MBD5: variants seen among roughly 807,000 people sequenced by gnomAD.
MBD5 encodes methyl-CpG binding domain protein 5.
A neutral mutation model predicts 117.3 loss-of-function variants in MBD5; 13 were observed. The observed-to-expected ratio is 0.11, with a 90% CI of 0.07 to 0.18. MBD5 has a LOEUF of 0.18. MBD5 is among the 10% of genes least tolerant of loss of function. The probability of loss-of-function intolerance (pLI) is 1.00; values close to 1 mark genes in which losing one functional copy is unlikely to be tolerated. For missense variants in MBD5, 1,879 were observed against 2,093.8 expected, an observed-to-expected ratio of 0.90 and a Z score of 2.00; for synonymous variants, 727 against 766.4, an observed-to-expected ratio of 0.95 and a Z score of 0.85.
chr2:148,355,242 T>C (rs1380052255), intron 4 of MBD5, among the ~76,000 whole-genome samples: 2 of 151,938 alleles, frequency 1.3e-5, no homozygotes, highest in East Asian at 1.9e-4. Flanking sequence ...ATTCTGATGA[T>C]AGTTTCTTTT....
intron 1 of MBD5, chr2:148,062,208 T>G (rs965070655): frequency 2.0e-5 from 3 of 151,732 alleles, no homozygotes; most frequent in African/African-American, 7.2e-5. Flanking sequence ...TACATGTATG[T>G]ATATACATGT....
At chr2:148,430,940 A>G (rs868213944) in intron 4 of MBD5, among the ~76,000 whole-genome samples, 7 of 152,164 alleles carry the variant, frequency 4.6e-5, no homozygotes, top group African/African-American at 1.7e-4. Context: ...ATTACTTATA[A>G]TTAAACATTT....
chr2:148,496,276 G>C (rs772918978), intron 11 of MBD5, among the ~76,000 whole-genome samples: 6 of 152,042 alleles, frequency 3.9e-5, no homozygotes, highest in Non-Finnish European at 8.8e-5. Flanking sequence ...TAATAAGAAA[G>C]ATAAAATCCA....
chr2:148,273,900 G>C (rs1448858442), intron 3 of MBD5, among the ~76,000 whole-genome samples: 3 of 152,114 alleles, frequency 2.0e-5, no homozygotes, highest in Non-Finnish European at 4.4e-5. Context: ...ATTGATATGG[G>C]AAGTCCACTT....
At chr2:148,138,017 C>T (rs1293086845) in intron 1 of MBD5, among the ~76,000 whole-genome samples, 1 of 152,136 alleles carries the variant, frequency 6.6e-6, no homozygotes, top group Non-Finnish European at 1.5e-5. Context: ...CGTTAAGTGA[C>T]ACATGATGGT....
chr2:148,182,653 A>G (rs1412844592), intron 2 of MBD5, among the ~76,000 whole-genome samples: 3 of 152,240 alleles, frequency 2.0e-5, no homozygotes, highest in African/African-American at 7.2e-5. Context: ...TGGTGAGGAC[A>G]TATCTTTGAC....
chr2:148,226,552 A>G (rs759101437), intron 2 of MBD5, among the ~76,000 whole-genome samples: 15 of 152,130 alleles, frequency 9.9e-5, no homozygotes, highest in East Asian at 1.9e-4. Flanking sequence ...TTGCTATTGT[A>G]AATAGTGCCG....
At chr2:148,205,992 T>C (rs1187623472) in intron 2 of MBD5, among the ~76,000 whole-genome samples, 1 of 151,594 alleles carries the variant, frequency 6.6e-6, no homozygotes, top group Non-Finnish European at 1.5e-5. Flanking sequence ...AATACAAAAA[T>C]TAGCTGGTGG....
At chr2:148,345,451 AC>A (rs1429796815) in intron 4 of MBD5, among the ~76,000 whole-genome samples, 4 of 75,792 alleles carry the variant, frequency 5.3e-5, no homozygotes, top group Non-Finnish European at 1.2e-4. Context: ...ATATACACAT[AC>A]ACATATACAT....
chr2:148,506,692 A>G (rs1682042803), intron 12 of MBD5, among the ~76,000 whole-genome samples: 1 of 152,232 alleles, frequency 6.6e-6, no homozygotes, highest in Non-Finnish European at 1.5e-5. Flanking sequence ...TAGGCAATGA[A>G]GTTGAGAAGT....
At chr2:148,267,070 C>CA (rs1164654638) in intron 3 of MBD5, among the ~76,000 whole-genome samples, 1 of 151,892 alleles carries the variant, frequency 6.6e-6, no homozygotes, top group Non-Finnish European at 1.5e-5. Context: ...CTATAAAGAA[C>CA]AAAAAACATG....
At chr2:148,140,966 A>G (rs542628882) in intron 1 of MBD5, among the ~76,000 whole-genome samples, 17 of 151,970 alleles carry the variant, frequency 1.1e-4, no homozygotes, top group Non-Finnish European at 2.2e-4. Flanking sequence ...AGGTTTCACC[A>G]TCATCATGTT....
chr2:148,212,339 G>A (rs1191326453), intron 2 of MBD5, among the ~76,000 whole-genome samples: 2 of 152,098 alleles, frequency 1.3e-5, no homozygotes, highest in Non-Finnish European at 2.9e-5. Context: ...ACAATACATG[G>A]CCTTTTGTTT....
chr2:148,244,285 G>C (rs1326459692), intron 3 of MBD5: 2 of 152,038 alleles, frequency 1.3e-5, no homozygotes. Flanking sequence ...AGCTTATATT[G>C]TTATAGTGGC....
At position 148,484,122 on chromosome 2, in the gene MBD5, G is replaced by A; in HGVS notation, c.3531G>A (p.Gly1177=). The change falls in exon 9 of 14, where the codon GGG becomes GGA. Residue 1177 remains glycine (G), a synonymous_variant. Coordinates refer to ENST00000642680, the MANE Select transcript of MBD5 (RefSeq NM_001378120.1). ...VVPQLLNPLL[G]TGLLGDMSSI... ...CACAGCTACTTAACCCTCTACTGGGGACAGGTCTACTTGGTAAGTTAAATT... is the reference window on the plus strand; with the variant it reads ...CACAGCTACTTAACCCTCTACTGGGAACAGGTCTACTTGGTAAGTTAAATT... 2 of 1,487,888 alleles carry A rather than the reference G, an allele frequency of 1.3e-6. No homozygotes were observed. Among genetic ancestry groups the A allele is most frequent in the Non-Finnish European group, 9.0e-7 (1 of 1,117,114 alleles). 92.2% of individuals were successfully genotyped at this position (1,487,888 alleles called of 1,614,324 possible).
chr2:148,411,289 A>G (rs1705239710), intron 4 of MBD5, among the ~76,000 whole-genome samples: 1 of 152,024 alleles, frequency 6.6e-6, no homozygotes, highest in South Asian at 2.1e-4. Flanking sequence ...TTCCATGCCC[A>G]TAATTCTGCA....
intron 4 of MBD5, among the ~76,000 whole-genome samples, chr2:148,379,350 G>T (rs1208015364): frequency 6.6e-6 from 1 of 151,938 alleles, no homozygotes; most frequent in Non-Finnish European, 1.5e-5. Flanking sequence ...GAAATCAGTG[G>T]AATAACATTT....
At chr2:148,470,978 T>G (rs1258285920) in intron 8 of MBD5, 1 of 152,994 alleles carries the variant, frequency 6.5e-6, no homozygotes, top group African/African-American at 2.4e-5. Flanking sequence ...GAAGGCTGTC[T>G]TCTAATGTGT....
intron 1 of MBD5, among the ~76,000 whole-genome samples, chr2:148,023,416 G>A (rs750615884): frequency 3.9e-4 from 60 of 152,060 alleles, no homozygotes; most frequent in Admixed American, 3.7e-3. Flanking sequence ...TTTACATACC[G>A]AAATAAAAAA....
Sources: allele counts gnomAD v4.1 joint callset (sites outside exome capture counted in the v4.1 genomes callset), GRCh38; gene constraint gnomAD v4.1.1; transcripts MANE v1.5; gene names NCBI Gene and HGNC (gene_info 2026-07-23, HGNC 2026-07-21).